RAD18: variants seen among roughly 807,000 people sequenced by gnomAD.
RAD18 encodes RAD18 E3 ubiquitin protein ligase.
In RAD18, 47 loss-of-function variants were observed where a neutral mutation model predicts 60.4. That is an observed-to-expected ratio of 0.78 (90% confidence interval 0.62 to 0.99). The LOEUF is 0.99. Ranked by LOEUF, RAD18 falls within the 50% of genes least tolerant of loss-of-function variation. The pLI, the probability that RAD18 is intolerant of heterozygous loss-of-function variation, is 0.00. For synonymous variants in RAD18, 225 were observed against 195.5 expected (o/e 1.15, Z -1.26); for missense variants, 640 against 593.3 (o/e 1.08, Z -0.82).
intron 12 of RAD18, among the ~76,000 whole-genome samples, chr3:8,883,374 T>C (rs1479754397): frequency 6.6e-6 from 1 of 152,202 alleles, no homozygotes; most frequent in African/African-American, 2.4e-5. Context: ...TGTTTGCTAT[T>C]ATTGTTTAGT....
intron 7 of RAD18, among the ~76,000 whole-genome samples, chr3:8,927,740 A>G (rs542360703): frequency 7.2e-4 from 109 of 152,330 alleles, no homozygotes; most frequent in African/African-American, 2.4e-3. Flanking sequence ...ATAAAAAATG[A>G]TGAGTTCATG....
At chr3:8,907,217 T>G (rs1940024201) in intron 9 of RAD18, among the ~76,000 whole-genome samples, 1 of 152,258 alleles carries the variant, frequency 6.6e-6, no homozygotes, top group African/African-American at 2.4e-5. Context: ...TTTGCTTACC[T>G]CTCAAGGATC....
At chr3:8,882,987 T>C (rs141674556) in intron 12 of RAD18, among the ~76,000 whole-genome samples, 7 of 152,310 alleles carry the variant, frequency 4.6e-5, no homozygotes, top group Non-Finnish European at 7.3e-5. Context: ...CATTTCGAGA[T>C]GGAAATTCCT....
chr3:8,900,685 C>G (rs1169041567), intron 10 of RAD18, among the ~76,000 whole-genome samples: 1 of 152,168 alleles, frequency 6.6e-6, no homozygotes, highest in Non-Finnish European at 1.5e-5. Flanking sequence ...GCAACTTGTT[C>G]ACTTACATGA....
chr3:8,897,725 T>C (rs958445111), intron 11 of RAD18, among the ~76,000 whole-genome samples: 3 of 152,186 alleles, frequency 2.0e-5, no homozygotes, highest in Non-Finnish European at 4.4e-5. Context: ...GTAGGCATTT[T>C]AAATCAGTAC....
chr3:8,912,383 C>T lies in RAD18; in HGVS notation c.967-11G>A, dbSNP rs1002236200. ...TGTAAAAACCATTACCTAAAATAATCAAAAAAAGACCTTAATAAAAATCTC... is the reference window on the plus strand; with the variant it reads ...TGTAAAAACCATTACCTAAAATAATTAAAAAAAGACCTTAATAAAAATCTC... On this transcript the variant is annotated splice_polypyrimidine_tract_variant and intron_variant, in intron 8 of 12. Transcript: ENST00000264926. 9.3e-6 allele frequency: 14 copies of T among 1,504,674 alleles called. No homozygotes were observed. Among genetic ancestry groups the T allele is most frequent in the Non-Finnish European group, 1.3e-5 (14 of 1,115,030 alleles). 93.2% of individuals were successfully genotyped at this position (1,504,674 alleles called of 1,614,324 possible). A position where few individuals can be genotyped will look rare whatever the true frequency, so the allele number is the denominator to read the frequency against.
At chr3:8,908,655 A>G (rs1020783464) in intron 9 of RAD18, among the ~76,000 whole-genome samples, 2 of 152,218 alleles carry the variant, frequency 1.3e-5, no homozygotes, top group African/African-American at 4.8e-5. Flanking sequence ...TGCGGTCTGC[A>G]TGCAGTATTT....
At chr3:8,929,189 A>C (rs1391625608) in intron 7 of RAD18, among the ~76,000 whole-genome samples, 1 of 152,132 alleles carries the variant, frequency 6.6e-6, no homozygotes, top group Non-Finnish European at 1.5e-5. Flanking sequence ...AAGAAGAGCA[A>C]ATTAAACCTA....
intron 12 of RAD18, among the ~76,000 whole-genome samples, chr3:8,886,896 G>C (rs1286053507): frequency 6.6e-6 from 1 of 152,190 alleles, no homozygotes; most frequent in South Asian, 2.1e-4. Context: ...CCATGAGCCA[G>C]CCAGGTAGGC....
chr3:8,912,518 AT>A (rs1314124075), intron 8 of RAD18, 146 bp from the exon 9 acceptor site: 25 of 500,300 alleles, frequency 5.0e-5, no homozygotes, highest in Middle Eastern at 3.9e-4. Flanking sequence ...AGGAAGAATC[AT>A]TCCTATGTAC....
Position 8,912,797 on chromosome 3 carries a change from T to C in RAD18, c.967-425A>G, listed in dbSNP as rs548415586. ...GGTCATTATAGAAAAGCAGTATGTA[T>C]AGAAAATGCAATAATACAAAACACA... On this transcript the variant is annotated intron_variant, in intron 8 of 12. Transcript: ENST00000264926. Among the ~76,000 whole-genome samples the C allele has an allele frequency of 3.3e-5, 5 of 152,264 alleles. No individual in the cohort carries two copies. The South Asian group carries it at 6.2e-4, about 19-fold the overall frequency.
rs1940754437 is a variant in RAD18 at position 8,941,935 on chromosome 3, C to T, written c.267-131G>A. Reference sequence around the variant, plus strand: ...GACCTATACTATAATGACAACCAAACCAAAGTTTCTTCTAGTATAACTCAA... The same window carrying T: ...GACCTATACTATAATGACAACCAAATCAAAGTTTCTTCTAGTATAACTCAA... On this transcript the variant is annotated intron_variant, in intron 4 of 12. Transcript: ENST00000264926. 4.9e-6 allele frequency: 4 copies of T among 813,232 alleles called. No homozygotes were observed. In the South Asian group the frequency reaches 5.7e-5, roughly 12 times the overall value. 50.4% of individuals were successfully genotyped at this position (813,232 alleles called of 1,614,324 possible). A position where few individuals can be genotyped will look rare whatever the true frequency, so the allele number is the denominator to read the frequency against.
chr3:8,887,334 G>C (rs1324385772), intron 12 of RAD18, among the ~76,000 whole-genome samples: 2 of 152,138 alleles, frequency 1.3e-5, no homozygotes, highest in East Asian at 3.9e-4. Flanking sequence ...CTAGGTTCTG[G>C]CTTGAACAGT....
chr3:8,933,403 A>G (rs1330477729), intron 7 of RAD18, among the ~76,000 whole-genome samples: 1 of 152,224 alleles, frequency 6.6e-6, no homozygotes, highest in Non-Finnish European at 1.5e-5. Flanking sequence ...TGGCTAAATG[A>G]CAATATACAT....
At chr3:8,909,986 G>A (rs947918253) in intron 9 of RAD18, among the ~76,000 whole-genome samples, 2 of 152,194 alleles carry the variant, frequency 1.3e-5, no homozygotes, top group Admixed American at 1.3e-4. Flanking sequence ...CCAAAACAAG[G>A]CAAGAGAAGA....
chr3:8,951,987 A>T lies in RAD18; in HGVS notation c.134-3417T>A, dbSNP rs1940933882. On this transcript the variant is annotated intron_variant, in intron 2 of 12. Transcript: ENST00000264926. ...GGTATCTCTTCTCATACGGACACTA[A>T]TCCCATCACTAGGGCTCCACTGTCA... 3.3e-5 allele frequency among the ~76,000 whole-genome samples: 5 copies of T among 152,236 alleles called. No homozygotes were observed. The South Asian group carries it at 1.0e-3, about 32-fold the overall frequency.
intron 5 of RAD18, 94 bp downstream of exon 5, chr3:8,941,373 C>T: frequency 8.8e-7 from 1 of 1,136,622 alleles, no homozygotes; most frequent in Non-Finnish European, 1.2e-6. Flanking sequence ...TTGTCCTTTA[C>T]CATTCCTTCC....
intron 11 of RAD18, among the ~76,000 whole-genome samples, chr3:8,893,638 G>A (rs562666382): frequency 6.6e-6 from 1 of 151,622 alleles, no homozygotes; most frequent in African/African-American, 2.4e-5. Flanking sequence ...CATGTTCTGA[G>A]CAACTACCTC....
At chr3:8,932,999 G>A (rs1575553899) in intron 7 of RAD18, among the ~76,000 whole-genome samples, 1 of 152,204 alleles carries the variant, frequency 6.6e-6, no homozygotes, top group Middle Eastern at 3.4e-3. Flanking sequence ...GGGAGGCTGA[G>A]GCAGGAGAAT....
Sources: allele counts gnomAD v4.1 joint callset (sites outside exome capture counted in the v4.1 genomes callset), GRCh38; gene constraint gnomAD v4.1.1; transcripts MANE v1.5; gene names NCBI Gene and HGNC (gene_info 2026-07-23, HGNC 2026-07-21).